Variants in RNF150 observed in about 807,000 individuals in gnomAD.
RNF150 encodes ring finger protein 150.
Under a neutral mutation model 39.3 loss-of-function variants are expected in RNF150, and 24 were observed. The ratio of observed to expected loss-of-function variants is 0.61; its 90% CI spans 0.44 to 0.86. The LOEUF is 0.86. Ranked by LOEUF, RNF150 falls within the 40% of genes least tolerant of loss-of-function variation. The pLI, the probability that RNF150 is intolerant of heterozygous loss-of-function variation, is 0.00. For missense variants in RNF150, 502 were observed against 587.8 expected (o/e 0.85, Z 1.51); for synonymous variants, 255 against 227.3 (o/e 1.12, Z -1.10).
chr4:141,116,979 C>T (rs960933010), intron 1 of RNF150, among the ~76,000 whole-genome samples: 2 of 149,788 alleles, frequency 1.3e-5, no homozygotes, highest in East Asian at 2.0e-4. Flanking sequence ...CATCACACAC[C>T]GGAGCCTGTC....
At chr4:141,112,908 A>G (rs1228290387) in intron 1 of RNF150, among the ~76,000 whole-genome samples, 1 of 150,872 alleles carries the variant, frequency 6.6e-6, no homozygotes, top group Non-Finnish European at 1.5e-5. Flanking sequence ...TATTTCTTGG[A>G]GGCTTTGTTC....
chr4:141,053,134 G>A (rs570272745), intron 1 of RNF150, among the ~76,000 whole-genome samples: 5 of 152,230 alleles, frequency 3.3e-5, no homozygotes, highest in South Asian at 2.1e-4. Flanking sequence ...CCACTTTCCC[G>A]ATCAGTTTTC....
At chr4:140,906,059 T>G (rs893126251) in intron 6 of RNF150, among the ~76,000 whole-genome samples, 1 of 151,812 alleles carries the variant, frequency 6.6e-6, no homozygotes. Context: ...AGAAAAAAAA[T>G]TTTTTGGGGT....
intron 1 of RNF150, among the ~76,000 whole-genome samples, chr4:141,127,111 A>G (rs892039589): frequency 2.6e-5 from 4 of 152,014 alleles, no homozygotes; most frequent in African/African-American, 9.7e-5. Context: ...TGTAGCTCTA[A>G]GCACAGACCA....
chr4:140,955,027 G>A (rs993345472), intron 2 of RNF150, among the ~76,000 whole-genome samples: 6 of 152,082 alleles, frequency 3.9e-5, no homozygotes, highest in African/African-American at 1.4e-4. Flanking sequence ...TAAGTTCTAG[G>A]TGAAGGGAGG....
intron 1 of RNF150, among the ~76,000 whole-genome samples, chr4:141,170,468 A>T (rs758539825): frequency 1.1e-4 from 17 of 152,210 alleles, no homozygotes; most frequent in Admixed American, 6.5e-5. Context: ...AATAAAAAGT[A>T]ACTCTTTTAA....
At chr4:141,075,541 C>G (rs1737862493) in intron 1 of RNF150, among the ~76,000 whole-genome samples, 1 of 152,200 alleles carries the variant, frequency 6.6e-6, no homozygotes, top group Admixed American at 6.5e-5. Context: ...ATATTTTCCC[C>G]TGAATTATTT....
At chr4:140,921,496 A>C (rs13131785) in intron 5 of RNF150, among the ~76,000 whole-genome samples, 83,792 of 151,974 alleles carry the variant, frequency 0.55, 23,610 homozygotes, top group East Asian at 0.89. Flanking sequence ...AACCAAAAAA[A>C]GTCCAGGACC....
intron 1 of RNF150, among the ~76,000 whole-genome samples, chr4:141,003,566 TACACAC>T (rs70946725): frequency 0.056 from 7,953 of 142,424 alleles, 383 homozygotes; most frequent in African/African-American, 0.13. Context: ...CCCTAGCACG[TACACAC>T]ACACACACAC....
At position 141,075,454 on chromosome 4, in the gene RNF150, G is replaced by A. The variant is rs1578699987; in HGVS notation, c.484+56871C>T. On this transcript the variant is annotated intron_variant, in intron 1 of 6. Coordinates refer to ENST00000515673, the MANE Select transcript of RNF150 (RefSeq NM_020724.2). Reference sequence around the variant, plus strand: ...TAGTTAAAAATTTGAGGGTAGCACTGATATCCATTGTTATGTTTACTAATT... The same window carrying A: ...TAGTTAAAAATTTGAGGGTAGCACTAATATCCATTGTTATGTTTACTAATT... Among the ~76,000 whole-genome samples, 3 of 152,214 alleles carry A rather than the reference G, an allele frequency of 2.0e-5. No homozygotes were observed. The East Asian group carries it at 5.8e-4, about 29-fold the overall frequency.
intron 2 of RNF150, among the ~76,000 whole-genome samples, chr4:140,957,951 A>C (rs1732843481): frequency 6.6e-6 from 1 of 151,264 alleles, no homozygotes; most frequent in Admixed American, 6.6e-5. Context: ...CTAGATGACG[A>C]GTTAGTGGGT....
At chr4:140,892,546 T>C (rs2111229677) in intron 6 of RNF150, among the ~76,000 whole-genome samples, 1 of 152,352 alleles carries the variant, frequency 6.6e-6, no homozygotes, top group South Asian at 2.1e-4. Flanking sequence ...AAAAAGACTT[T>C]TGTTAAAAAC....
chr4:141,026,760 T>C (rs1735712654), intron 1 of RNF150, among the ~76,000 whole-genome samples: 1 of 152,224 alleles, frequency 6.6e-6, no homozygotes, highest in South Asian at 2.1e-4. Context: ...GAACATCAGT[T>C]TGAGAAACTC....
chr4:140,904,956 T>C (rs116288467), intron 6 of RNF150, among the ~76,000 whole-genome samples: 1,546 of 152,278 alleles, frequency 0.01, 24 homozygotes, highest in African/African-American at 0.035. Context: ...ATGAATCCCA[T>C]AGAAAAGTTT....
At chr4:141,148,461 T>C (rs1727238578) in intron 1 of RNF150, among the ~76,000 whole-genome samples, 2 of 152,152 alleles carry the variant, frequency 1.3e-5, no homozygotes, top group South Asian at 4.1e-4. Context: ...CTTTTTTTTT[T>C]AGATGGAGTT....
intron 6 of RNF150, among the ~76,000 whole-genome samples, chr4:140,901,703 T>C (rs1730192714): frequency 6.6e-6 from 1 of 152,178 alleles, no homozygotes; most frequent in Admixed American, 6.5e-5. Context: ...TGAGGATCTA[T>C]AAATTTAAGG....
upstream of RNF150, among the ~76,000 whole-genome samples, chr4:141,137,157 A>T (rs1446759353): frequency 2.0e-5 from 3 of 152,214 alleles, no homozygotes; most frequent in Non-Finnish European, 4.4e-5. Flanking sequence ...GATCAGAAAG[A>T]TGGGGAGCAA....
chr4:141,014,861 G>A (rs1735207443), intron 1 of RNF150, among the ~76,000 whole-genome samples: 1 of 152,056 alleles, frequency 6.6e-6, no homozygotes. Context: ...TTTGTTGCCT[G>A]TGCTTTCAGG....
At chr4:141,034,377 G>A (rs971572150) in intron 1 of RNF150, among the ~76,000 whole-genome samples, 1 of 152,152 alleles carries the variant, frequency 6.6e-6, no homozygotes, top group East Asian at 1.9e-4. Context: ...AGGGAATGTT[G>A]TAGCTGGTTT....
Sources: gnomAD v4.1 joint callset for allele counts (sites outside exome capture counted in the v4.1 genomes callset) on GRCh38, gnomAD v4.1.1 for gene constraint, MANE v1.5 for transcripts, NCBI Gene and HGNC (gene_info 2026-07-23, HGNC 2026-07-21) for gene names.